GALNT10: variants seen among roughly 807,000 people sequenced by gnomAD.
GALNT10 encodes GalNAc transferase 10.
In GALNT10, 41 loss-of-function variants were observed where a neutral mutation model predicts 75.0. That is an observed-to-expected ratio of 0.55 (90% confidence interval 0.43 to 0.71). The LOEUF is 0.71. Ranked by LOEUF, GALNT10 falls within the 30% of genes least tolerant of loss-of-function variation. The pLI, the probability that GALNT10 is intolerant of heterozygous loss-of-function variation, is 0.00. For missense variants in GALNT10, 727 were observed against 818.5 expected (o/e 0.89, Z 1.36); for synonymous variants, 302 against 313.0 (o/e 0.96, Z 0.37).
At chr5:154,273,586 T>C (rs996364647) in intron 1 of GALNT10, among the ~76,000 whole-genome samples, 8 of 152,270 alleles carry the variant, frequency 5.3e-5, no homozygotes, top group African/African-American at 1.9e-4. Flanking sequence ...GGGCTCAGTT[T>C]GTTTATTAAA....
intron 4 of GALNT10, among the ~76,000 whole-genome samples, chr5:154,367,504 C>T (rs1164800635): frequency 1.3e-5 from 2 of 152,174 alleles, no homozygotes; most frequent in Non-Finnish European, 2.9e-5. Flanking sequence ...AAGCCAGCAC[C>T]CACCCGCTCG....
intron 1 of GALNT10, among the ~76,000 whole-genome samples, chr5:154,251,506 C>A (rs1331034922): frequency 6.6e-6 from 1 of 152,126 alleles, no homozygotes; most frequent in East Asian, 1.9e-4. Flanking sequence ...GCAGCTGGAT[C>A]CAGAGACTTG....
intron 7 of GALNT10, among the ~76,000 whole-genome samples, chr5:154,399,337 C>T (rs190969919): frequency 7.9e-5 from 12 of 152,308 alleles, no homozygotes; most frequent in African/African-American, 2.6e-4. Context: ...AGGAGAGTCC[C>T]CTCCTGTCTT....
At chr5:154,393,237 C>G (rs1319808543) in intron 7 of GALNT10, among the ~76,000 whole-genome samples, 1 of 151,988 alleles carries the variant, frequency 6.6e-6, no homozygotes, top group Non-Finnish European at 1.5e-5. Flanking sequence ...CCACTCCCGG[C>G]TAATTTTTTA....
At chr5:154,229,835 G>A (rs1753120330) in intron 1 of GALNT10, among the ~76,000 whole-genome samples, 1 of 152,214 alleles carries the variant, frequency 6.6e-6, no homozygotes, top group African/African-American at 2.4e-5. Context: ...CATATAAAGA[G>A]CATTTGATAA....
chr5:154,325,640 A>G (rs2113112741), intron 3 of GALNT10, among the ~76,000 whole-genome samples: 1 of 152,162 alleles, frequency 6.6e-6, no homozygotes, highest in Non-Finnish European at 1.5e-5. Flanking sequence ...GCAAAAAAAA[A>G]AAAAGCCATT....
chr5:154,326,475 C>G (rs894042939), intron 3 of GALNT10, among the ~76,000 whole-genome samples: 2 of 151,982 alleles, frequency 1.3e-5, no homozygotes, highest in African/African-American at 4.8e-5. Flanking sequence ...TTCATAATAG[C>G]CAAAAGGGGG....
chr5:154,225,505 C>T (rs777986158), intron 1 of GALNT10, among the ~76,000 whole-genome samples: 9 of 151,996 alleles, frequency 5.9e-5, no homozygotes, highest in Admixed American at 3.3e-4. Flanking sequence ...GTCCTCCCAA[C>T]TCAGCCTCCT....
chr5:154,258,454 G>C (rs1227385174), intron 1 of GALNT10, among the ~76,000 whole-genome samples: 1 of 152,188 alleles, frequency 6.6e-6, no homozygotes, highest in Non-Finnish European at 1.5e-5. Flanking sequence ...CAAGACAAGA[G>C]TTCTGTCCTT....
At chr5:154,260,797 T>C (rs1753688767) in intron 1 of GALNT10, among the ~76,000 whole-genome samples, 1 of 152,210 alleles carries the variant, frequency 6.6e-6, no homozygotes. Flanking sequence ...ACTATTTAGC[T>C]TCTTCACGTG....
At chr5:154,261,267 G>GAAAA (rs34565845) in intron 1 of GALNT10, among the ~76,000 whole-genome samples, 1 of 150,874 alleles carries the variant, frequency 6.6e-6, no homozygotes, top group African/African-American at 2.4e-5. Flanking sequence ...TAAGCTAAAA[G>GAAAA]AAAAAAAAAC....
chr5:154,330,732 C>T (rs1754843673), intron 4 of GALNT10, among the ~76,000 whole-genome samples: 1 of 152,204 alleles, frequency 6.6e-6, no homozygotes, highest in African/African-American at 2.4e-5. Flanking sequence ...GAAGCCCTTT[C>T]CTCTGCTCAC....
intron 1 of GALNT10, among the ~76,000 whole-genome samples, chr5:154,212,758 G>A (rs546447701): frequency 7.2e-5 from 11 of 152,270 alleles, no homozygotes; most frequent in African/African-American, 2.6e-4. Flanking sequence ...CACAAGGTCA[G>A]GAGATTGAGA....
At chr5:154,297,075 A>G (rs1012415239) in intron 2 of GALNT10, among the ~76,000 whole-genome samples, 5 of 152,210 alleles carry the variant, frequency 3.3e-5, no homozygotes, top group Non-Finnish European at 7.3e-5. Context: ...CCATTTCTTC[A>G]AGATCCTCAC....
intron 1 of GALNT10, among the ~76,000 whole-genome samples, chr5:154,292,093 A>G (rs1008515466): frequency 4.6e-5 from 7 of 152,240 alleles, no homozygotes; most frequent in Non-Finnish European, 8.8e-5. Flanking sequence ...TTTGCCAGTG[A>G]CCACATTTGG....
Position 154,418,674 on chromosome 5 carries a change from C to T in GALNT10, c.*1702C>T, listed in dbSNP as rs1582024638. On this transcript the variant is annotated 3_prime_UTR_variant, in exon 12 of 12. Coordinates refer to ENST00000297107, the MANE Select transcript of GALNT10 (RefSeq NM_198321.4). ...TTATTGGGGGAGGGAGGGACAAACA[C>T]TCCCAATCATCCACCAGTCAGACTG... 6.6e-6 allele frequency: 1 copy of T among 152,174 alleles called. No homozygotes were observed. The highest frequency in any genetic ancestry group is 1.9e-4 in the East Asian group (1 of 5,184). 9.4% of individuals were successfully genotyped at this position (152,174 alleles called of 1,614,324 possible). A position where few individuals can be genotyped will look rare whatever the true frequency, so the allele number is the denominator to read the frequency against.
intron 3 of GALNT10, among the ~76,000 whole-genome samples, chr5:154,312,967 A>G (rs1488068807): frequency 6.6e-6 from 1 of 152,196 alleles, no homozygotes. Flanking sequence ...CAAAAATTTT[A>G]TCATGTGGGA....
At chr5:154,218,347 C>T (rs1202494858) in intron 1 of GALNT10, among the ~76,000 whole-genome samples, 1 of 152,112 alleles carries the variant, frequency 6.6e-6, no homozygotes, top group African/African-American at 2.4e-5. Context: ...CCCATGGGCT[C>T]GGGGATCAAT....
intron 1 of GALNT10, among the ~76,000 whole-genome samples, chr5:154,243,030 C>T (rs1753363345): frequency 6.6e-6 from 1 of 152,220 alleles, no homozygotes; most frequent in Non-Finnish European, 1.5e-5. Flanking sequence ...TCTGGGTTCA[C>T]ATTATAGCTC....
Sources: gnomAD v4.1 joint callset for allele counts (sites outside exome capture counted in the v4.1 genomes callset) on GRCh38, gnomAD v4.1.1 for gene constraint, MANE v1.5 for transcripts, NCBI Gene and HGNC (gene_info 2026-07-23, HGNC 2026-07-21) for gene names.